SUPT3H: variants seen among roughly 807,000 people sequenced by gnomAD.
The protein encoded by SUPT3H is SPT3 homolog, SAGA and STAGA complex component.
SUPT3H carries 44 observed loss-of-function variants against 44.3 expected under a neutral mutation model. That is an observed-to-expected ratio of 0.99 (90% CI 0.78 to 1.28). The LOEUF (loss-of-function observed/expected upper bound fraction) is 1.28, where lower values mean the gene tolerates loss of function less well. SUPT3H is among the 50% of genes most tolerant of loss of function. The probability of loss-of-function intolerance (pLI) is 0.00; values close to 1 mark genes in which losing one functional copy is unlikely to be tolerated. For missense variants in SUPT3H, 380 were observed against 387.1 expected (o/e 0.98, Z 0.15); for synonymous variants, 124 against 125.6 (o/e 0.99, Z 0.09).
chr6:45,093,619 A>G (rs1332534522), intron 3 of SUPT3H, among the ~76,000 whole-genome samples: 4 of 152,148 alleles, frequency 2.6e-5, no homozygotes, highest in Non-Finnish European at 5.9e-5. Flanking sequence ...GCCAAATTAA[A>G]AAGCACAAAA....
chr6:44,981,397 T>C (rs746155556), intron 6 of SUPT3H, among the ~76,000 whole-genome samples: 2 of 152,166 alleles, frequency 1.3e-5, no homozygotes, highest in Non-Finnish European at 2.9e-5. Context: ...ATTTAAGATA[T>C]ATTTGAAAAG....
At chr6:44,839,322 AT>A (rs71536340) in intron 10 of SUPT3H, among the ~76,000 whole-genome samples, 51 of 119,082 alleles carry the variant, frequency 4.3e-4, no homozygotes, top group East Asian at 1.1e-3. Context: ...TATTATTATT[AT>A]TTTTTTTTGA....
At chr6:44,838,723 G>A (rs1770391301) in intron 10 of SUPT3H, among the ~76,000 whole-genome samples, 3 of 152,060 alleles carry the variant, frequency 2.0e-5, no homozygotes, top group Admixed American at 2.0e-4. Context: ...CACTGCTTTA[G>A]GGCCTGGCAT....
At chr6:45,371,114 T>C (rs1215671305) in intron 1 of SUPT3H, among the ~76,000 whole-genome samples, 2 of 152,170 alleles carry the variant, frequency 1.3e-5, no homozygotes, top group Non-Finnish European at 2.9e-5. Flanking sequence ...TGGCAGCAAT[T>C]ATACTCCTAA....
intron 11 of SUPT3H, among the ~76,000 whole-genome samples, chr6:44,818,145 A>G (rs1017197444): frequency 6.6e-6 from 1 of 152,290 alleles, no homozygotes; most frequent in East Asian, 1.9e-4. Flanking sequence ...AAAGCAGAGC[A>G]ATATTTATAT....
chr6:44,910,171 A>G (rs1395602404), intron 10 of SUPT3H, among the ~76,000 whole-genome samples: 1 of 151,870 alleles, frequency 6.6e-6, no homozygotes, highest in Non-Finnish European at 1.5e-5. Context: ...CCCTTCCCCT[A>G]TCTTCTCCTT....
chr6:45,014,929 T>G (rs111260847), intron 4 of SUPT3H, 38 bp from the exon 5 acceptor site: 1 of 1,283,952 alleles, frequency 7.8e-7, no homozygotes. Flanking sequence ...AGAAAACCTA[T>G]ACATATATTC....
At chr6:45,185,769 A>G (rs1300409784) in intron 2 of SUPT3H, among the ~76,000 whole-genome samples, 1 of 152,210 alleles carries the variant, frequency 6.6e-6, no homozygotes, top group Non-Finnish European at 1.5e-5. Context: ...TCCAAATAAA[A>G]CCTTTGCTTG....
In SUPT3H at chr6:45,335,323, A is replaced by C. The variant is rs1193483436; in HGVS notation, c.101+29878T>G. On this transcript the variant is annotated intron_variant, in intron 2 of 10. Transcript: ENST00000371459. ...ACAATGTGAATTTACTTTGAAGCTT[A>C]AAAGAAAGGATCATGACATTTATTT... 2.6e-5 allele frequency among the ~76,000 whole-genome samples: 4 copies of C among 151,400 alleles called. No individual in the cohort carries two copies. In the East Asian group the frequency reaches 5.8e-4, roughly 22 times the overall value.
rs1439733840 is a variant in SUPT3H, at chr6:44,939,328, C to T, written c.802-6565G>A. Among the ~76,000 whole-genome samples, 4 of 134,766 alleles carry T rather than the reference C, an allele frequency of 3.0e-5. No individual in the cohort carries two copies. The South Asian group carries it at 7.8e-4, about 26-fold the overall frequency. The allele number at this position is 134,766 out of a possible 152,430, so 88.4% of individuals were successfully genotyped here. A position where few individuals can be genotyped will look rare whatever the true frequency, so the allele number is the denominator to read the frequency against. On this transcript the variant is annotated intron_variant, in intron 9 of 10. Transcript: ENST00000371459. ...TTTTCTGTACCTATTTAGATAATCA[C>T]GATTTTTGTCCTTCATTCTGTTTAT...
intron 2 of SUPT3H, among the ~76,000 whole-genome samples, chr6:45,313,538 T>C (rs1036812755): frequency 5.9e-5 from 9 of 151,358 alleles, no homozygotes; most frequent in Admixed American, 4.6e-4. Flanking sequence ...CTAGAAAACC[T>C]AGAACAGATG....
chr6:44,990,223 A>G (rs1780422270), intron 6 of SUPT3H, among the ~76,000 whole-genome samples: 1 of 151,850 alleles, frequency 6.6e-6, no homozygotes, highest in Non-Finnish European at 1.5e-5. Flanking sequence ...TACCAACACC[A>G]TTTATTGAAG....
chr6:45,323,645 T>C (rs1785887041), intron 2 of SUPT3H, among the ~76,000 whole-genome samples: 1 of 152,028 alleles, frequency 6.6e-6, no homozygotes, highest in Non-Finnish European at 1.5e-5. Context: ...TGACAATGAG[T>C]ATCTCAAAAT....
chr6:45,318,413 T>G (rs535481519), intron 2 of SUPT3H, among the ~76,000 whole-genome samples: 9 of 152,124 alleles, frequency 5.9e-5, no homozygotes, highest in Non-Finnish European at 1.2e-4. Flanking sequence ...ACTGTGGACT[T>G]TAGCTAACTA....
At chr6:45,011,521 A>T (rs1488749883) in intron 5 of SUPT3H, among the ~76,000 whole-genome samples, 1 of 152,038 alleles carries the variant, frequency 6.6e-6, no homozygotes, top group Non-Finnish European at 1.5e-5. Flanking sequence ...TCCTTACCCC[A>T]GTACAGCATT....
intron 3 of SUPT3H, among the ~76,000 whole-genome samples, chr6:45,056,080 C>T (rs1261183690): frequency 6.6e-6 from 1 of 152,058 alleles, no homozygotes; most frequent in Admixed American, 6.6e-5. Context: ...AAAAAATGTT[C>T]AACATCACTA....
At chr6:45,170,316 T>G (rs1386047859) in intron 2 of SUPT3H, among the ~76,000 whole-genome samples, 1 of 152,206 alleles carries the variant, frequency 6.6e-6, no homozygotes. Flanking sequence ...ATTAAAAACT[T>G]TGAGCAGTAC....
At chr6:45,081,510 T>C (rs1323997026) in intron 3 of SUPT3H, among the ~76,000 whole-genome samples, 2 of 152,108 alleles carry the variant, frequency 1.3e-5, no homozygotes, top group East Asian at 3.8e-4. Flanking sequence ...ATAAGCTCCA[T>C]TAGAGAAGAG....
intron 2 of SUPT3H, among the ~76,000 whole-genome samples, chr6:45,210,258 C>T (rs2153630114): frequency 6.6e-6 from 1 of 152,224 alleles, no homozygotes. Flanking sequence ...ACATACTCAC[C>T]TCACAATTTG....
Sources: gnomAD v4.1 joint callset for allele counts (sites outside exome capture counted in the v4.1 genomes callset) on GRCh38, gnomAD v4.1.1 for gene constraint, MANE v1.5 for transcripts, NCBI Gene and HGNC (gene_info 2026-07-23, HGNC 2026-07-21) for gene names.